The following GPRIN3 variants were observed in gnomAD, a reference collection of about 807,000 sequenced individuals.
GPRIN3 encodes the protein G protein-regulated inducer of neurite outgrowth 3.
Under a neutral mutation model 13.7 loss-of-function variants are expected in GPRIN3, and 12 were observed. The observed-to-expected ratio is 0.87, with a 90% CI of 0.56 to 1.42. The LOEUF (loss-of-function observed/expected upper bound fraction) is 1.42, where lower values mean the gene tolerates loss of function less well. GPRIN3 is among the 40% of genes most tolerant of loss of function. GPRIN3 has a pLI of 0.00. For synonymous variants in GPRIN3, 377 were observed against 372.7 expected (o/e 1.01, Z -0.13); for missense variants, 1,009 against 958.7 (o/e 1.05, Z -0.69).
intron 1 of GPRIN3, among the ~76,000 whole-genome samples, chr4:89,281,165 C>T (rs575367648): frequency 1.3e-5 from 2 of 151,926 alleles, no homozygotes; most frequent in African/African-American, 2.4e-5. Flanking sequence ...CTCTTGTCAC[C>T]CAGGCTGGAG....
At chr4:89,290,010 T>C (rs547636322) in intron 1 of GPRIN3, among the ~76,000 whole-genome samples, 1 of 151,668 alleles carries the variant, frequency 6.6e-6, no homozygotes, top group Non-Finnish European at 1.5e-5. Flanking sequence ...GTTTTTGTTT[T>C]GTTTTGTTTT....
Position 89,250,093 on chromosome 4 carries a change from G to T in GPRIN3, c.18C>A (p.Asp6Glu), listed in dbSNP as rs1371599629. 2 of 1,613,198 alleles carry T rather than the reference G, an allele frequency of 1.2e-6. No homozygotes were observed. Among genetic ancestry groups the T allele is most frequent in the Non-Finnish European group, 8.5e-7 (1 of 1,179,558 alleles). ...GGGAAGTTTTAGCTGATCTCAGAGG[G>T]TCAGGTACAGTCCCCATGGAATTTC... MGTVPDPLRSAKTSLI... is the reference protein window; with the variant it reads MGTVPEPLRSAKTSLI... Residue 6 changes from aspartate to glutamate, a missense_variant, in exon 2 of 2, where the codon GAC becomes GAA. By Grantham distance (45) the Asp-to-Glu change is conservative. Transcript: ENST00000609438.
At chr4:89,265,560 G>A (rs1452719433) in intron 1 of GPRIN3, among the ~76,000 whole-genome samples, 1 of 152,158 alleles carries the variant, frequency 6.6e-6, no homozygotes, top group Admixed American at 6.5e-5. Context: ...AAAACTTTGT[G>A]ATGAGTTCAT....
chr4:89,249,903 C>T lies in GPRIN3; in HGVS notation c.208G>A (p.Glu70Lys), dbSNP rs1235421101. Residue 70 changes from glutamate to lysine, a missense_variant, in exon 2 of 2, where the codon GAG (glutamate) becomes AAG (lysine). Physicochemically the swap from Glu to Lys is moderately conservative, Grantham distance 56 (BLOSUM62 1). Transcript: ENST00000609438. ...ATATCTGGTTGGGTGGTCTCATGCT[C>T]ACAAACCTGCATCAGGGCTTCGGCA... ...AAAEALMQVC[E>K]HETTQPDMSS... 1.2e-6 allele frequency: 2 copies of T among 1,614,192 alleles called. No homozygotes were observed. Among genetic ancestry groups the T allele is most frequent in the South Asian group, 1.1e-5 (1 of 91,084 alleles).
intron 1 of GPRIN3, among the ~76,000 whole-genome samples, chr4:89,293,265 C>CCT (rs765308871): frequency 2.6e-5 from 4 of 152,200 alleles, no homozygotes; most frequent in Non-Finnish European, 4.4e-5. Flanking sequence ...GGGCTAGCAT[C>CCT]CTCTATGGTG....
intron 1 of GPRIN3, among the ~76,000 whole-genome samples, chr4:89,272,662 A>G (rs1423206872): frequency 6.6e-6 from 1 of 152,172 alleles, no homozygotes; most frequent in Non-Finnish European, 1.5e-5. Context: ...TCTGTGAATC[A>G]GCTACACCAG....
At chr4:89,296,695 A>G (rs1036808635) in intron 1 of GPRIN3, among the ~76,000 whole-genome samples, 1 of 152,222 alleles carries the variant, frequency 6.6e-6, no homozygotes, top group Admixed American at 6.5e-5. Context: ...GTGTGCACAC[A>G]CATGTGACAT....
chr4:89,246,223 G>T lies in GPRIN3; in HGVS notation c.*1557C>A, dbSNP rs1431552. ...CTCTAGAGAGAATACCTATGGTTAG[G>T]TACTCTTTTCTAGCTCATTACGGGG... is the stretch of plus-strand genomic sequence containing the variant. On this transcript the variant is annotated 3_prime_UTR_variant, in exon 2 of 2. Coordinates refer to ENST00000609438, the MANE Select transcript of GPRIN3 (RefSeq NM_198281.3). 0.52 allele frequency: 78,128 copies of T among 151,622 alleles called. 20,520 individuals carry two copies. Among genetic ancestry groups the T allele is most frequent in the South Asian group, 0.74 (3,552 of 4,816 alleles). The allele number at this position is 151,622 out of a possible 1,614,324, so 9.4% of individuals were successfully genotyped here. A position where few individuals can be genotyped will look rare whatever the true frequency, so the allele number is the denominator to read the frequency against.
At chr4:89,296,651 TTG>T (rs369210221) in intron 1 of GPRIN3, among the ~76,000 whole-genome samples, 3,606 of 151,790 alleles carry the variant, frequency 0.024, 72 homozygotes, top group Non-Finnish European at 0.035. Flanking sequence ...TTTTTCTTGT[TTG>T]TGTGTGTGTG....
chr4:89,280,233 C>T (rs922677781), intron 1 of GPRIN3, among the ~76,000 whole-genome samples: 2 of 152,072 alleles, frequency 1.3e-5, no homozygotes, highest in Admixed American at 1.3e-4. Context: ...TAGGCTCTAT[C>T]ATTTCTTACC....
Position 89,248,922 on chromosome 4 carries a change from C to T in GPRIN3, c.1189G>A (p.Ala397Thr), listed in dbSNP as rs1723210212. 2.5e-6 allele frequency: 4 copies of T among 1,614,238 alleles called. No homozygotes were observed. Among genetic ancestry groups the T allele is most frequent in the Non-Finnish European group, 3.4e-6 (4 of 1,180,032 alleles). ...TGGAAAGCTGTAGACTCAGCTGCAG[C>T]TGCCTGAATGTGCACCTGTGGCATG... ...GIMPQVHIQA[A>T]AAESTAFQRE... Residue 397 changes from alanine to threonine, a missense_variant, in exon 2 of 2, where the codon GCT (alanine) becomes ACT (threonine). Coordinates refer to ENST00000609438, the MANE Select transcript of GPRIN3 (RefSeq NM_198281.3).
chr4:89,244,847 T>C lies in GPRIN3; in HGVS notation c.*2933A>G, dbSNP rs1723044892. ...TTTCTTGATTCAATAAAATATTTCC[T>C]CCATATATTTCAAAAATATAATGCA... is the stretch of plus-strand genomic sequence containing the variant. On this transcript the variant is annotated 3_prime_UTR_variant, in exon 2 of 2. Coordinates refer to ENST00000609438, the MANE Select transcript of GPRIN3 (RefSeq NM_198281.3). The C allele has an allele frequency of 6.6e-6, 1 of 152,192 alleles. No homozygotes were observed. Among genetic ancestry groups the C allele is most frequent in the Non-Finnish European group, 1.5e-5 (1 of 68,024 alleles). The allele number at this position is 152,192 out of a possible 1,614,324, so 9.4% of individuals were successfully genotyped here.
rs1248322707 is a variant in GPRIN3 at position 89,250,200 on chromosome 4, A to T, written c.-90T>A. 1 of 1,521,064 alleles carries T rather than the reference A, an allele frequency of 6.6e-7. No individual in the cohort carries two copies. The highest frequency in any genetic ancestry group is 8.8e-7 in the Non-Finnish European group (1 of 1,135,682). The allele number at this position is 1,521,064 out of a possible 1,614,324, so 94.2% of individuals were successfully genotyped here. ...AGCGCAGTCAGAGCTCAGAGTGATG[A>T]CACAGTCAGGGATGATTCCTCTGAA... On this transcript the variant is annotated 5_prime_UTR_variant, in exon 2 of 2. Coordinates refer to ENST00000609438, the MANE Select transcript of GPRIN3 (RefSeq NM_198281.3).
chr4:89,294,606 A>G (rs181227350), intron 1 of GPRIN3, among the ~76,000 whole-genome samples: 3 of 152,328 alleles, frequency 2.0e-5, no homozygotes, highest in East Asian at 1.9e-4. Flanking sequence ...TTAAACATCA[A>G]TTGAACTAAG....
At chr4:89,263,699 T>C (rs1216611491) in intron 1 of GPRIN3, among the ~76,000 whole-genome samples, 1 of 152,228 alleles carries the variant, frequency 6.6e-6, no homozygotes, top group Non-Finnish European at 1.5e-5. Context: ...TTGTCATTTG[T>C]CAGATTCTGT....
chr4:89,287,137 A>G (rs750790322), intron 1 of GPRIN3, among the ~76,000 whole-genome samples: 1 of 152,214 alleles, frequency 6.6e-6, no homozygotes, highest in Non-Finnish European at 1.5e-5. Flanking sequence ...TGTGGGGGCT[A>G]TACAAACATA....
chr4:89,278,991 A>G (rs1160039894), intron 1 of GPRIN3, among the ~76,000 whole-genome samples: 3 of 152,198 alleles, frequency 2.0e-5, no homozygotes, highest in Admixed American at 1.3e-4. Context: ...AAGCCTCCAG[A>G]TACAAAGTCC....
intron 1 of GPRIN3, among the ~76,000 whole-genome samples, chr4:89,289,292 C>T (rs1021988849): frequency 6.6e-6 from 1 of 151,676 alleles, no homozygotes; most frequent in Non-Finnish European, 1.5e-5. Context: ...AAATAATATC[C>T]ACCACTAGAT....
intron 1 of GPRIN3, among the ~76,000 whole-genome samples, chr4:89,277,728 T>G (rs1435352620): frequency 6.6e-6 from 1 of 152,208 alleles, no homozygotes; most frequent in Non-Finnish European, 1.5e-5. Context: ...CTGGAGTCCA[T>G]CTAGTTTCAC....
Sources: allele counts gnomAD v4.1 joint callset (sites outside exome capture counted in the v4.1 genomes callset), GRCh38; gene constraint gnomAD v4.1.1; transcripts MANE v1.5; gene names NCBI Gene and HGNC (gene_info 2026-07-23, HGNC 2026-07-21).